The following RPTOR variants were observed in gnomAD, a reference collection of about 807,000 sequenced individuals.
RPTOR encodes the protein regulatory associated protein of MTOR complex 1.
Under a neutral mutation model 169.9 loss-of-function variants are expected in RPTOR, and 21 were observed. That is an observed-to-expected ratio of 0.12 (90% confidence interval 0.09 to 0.18). The LOEUF (loss-of-function observed/expected upper bound fraction) is 0.18. Ranked by LOEUF, RPTOR falls within the 10% of genes least tolerant of loss-of-function variation. The pLI is 1.00. For missense variants in RPTOR, 1,133 were observed against 1,855.9 expected, an observed-to-expected ratio of 0.61 and a Z score of 7.16; for synonymous variants, 732 against 753.2, an observed-to-expected ratio of 0.97 and a Z score of 0.46.
In RPTOR at chr17:80,920,013, C is replaced by T. The variant is rs1379085234; in HGVS notation, c.2521-2711C>T. ...CCGCACTCAGCCCTCCAGTTTGCAT[C>T]TCCAAACCCAGCCTCTGCCATTGCC... On this transcript the variant is annotated intron_variant, in intron 21 of 33. Coordinates refer to ENST00000306801, the MANE Select transcript of RPTOR (RefSeq NM_020761.3). Among the ~76,000 whole-genome samples, 4 of 152,230 alleles carry T rather than the reference C, an allele frequency of 2.6e-5. No homozygotes were observed. In the South Asian group the frequency reaches 8.3e-4, roughly 31 times the overall value.
At chr17:80,817,494 A>G (rs532044829) in intron 7 of RPTOR, among the ~76,000 whole-genome samples, 8 of 150,138 alleles carry the variant, frequency 5.3e-5, no homozygotes, top group Non-Finnish European at 8.9e-5. Flanking sequence ...ACCTGGAGAG[A>G]CTGGGAGGCA....
chr17:80,843,799 G>A (rs757850458), intron 10 of RPTOR, among the ~76,000 whole-genome samples: 1 of 152,184 alleles, frequency 6.6e-6, no homozygotes. Context: ...CCAGCCGGAC[G>A]GGCTCCACTT....
chr17:80,687,840 G>T (rs11652856), intron 3 of RPTOR, among the ~76,000 whole-genome samples: 6 of 152,018 alleles, frequency 3.9e-5, no homozygotes, highest in East Asian at 1.9e-4. Flanking sequence ...GTGAGTTGTA[G>T]GAAGCTCAGA....
intron 21 of RPTOR, among the ~76,000 whole-genome samples, chr17:80,922,108 T>C (rs955739597): frequency 1.3e-5 from 2 of 152,214 alleles, no homozygotes; most frequent in African/African-American, 4.8e-5. Context: ...GTGTAAACAG[T>C]GGCCTGCGTG....
intron 1 of RPTOR, among the ~76,000 whole-genome samples, chr17:80,596,245 A>G (rs1305496903): frequency 6.6e-6 from 1 of 152,236 alleles, no homozygotes; most frequent in East Asian, 1.9e-4. Context: ...CAATAAGTAA[A>G]GAAAATTGAC....
intron 5 of RPTOR, among the ~76,000 whole-genome samples, chr17:80,739,432 C>A (rs1016609838): frequency 9.7e-6 from 1 of 103,142 alleles, no homozygotes; most frequent in Non-Finnish European, 2.2e-5. Flanking sequence ...GTTAGGCCAT[C>A]TTTTCTTGAA....
At chr17:80,758,085 G>A (rs746859919) in intron 6 of RPTOR, among the ~76,000 whole-genome samples, 1 of 152,208 alleles carries the variant, frequency 6.6e-6, no homozygotes, top group Non-Finnish European at 1.5e-5. Flanking sequence ...GAGATCCTAA[G>A]AAGCATATTG....
chr17:80,916,175 GAAGGAGAGAAGAGAA>G lies in RPTOR; in HGVS notation c.2521-6535_2521-6521del, dbSNP rs2068671332. Among the ~76,000 whole-genome samples, 3 of 152,298 alleles carry G rather than the reference GAAGGAGAGAAGAGAA, an allele frequency of 2.0e-5. No individual in the cohort carries two copies. In the Middle Eastern group the frequency reaches 0.01, roughly 518 times the overall value. ...TTGCTTGCCACTTTGCAGATGACAAGAAGGAGAGAAGAGAAAAGGAGAGAAGAGCTGCAGCCCTTC... is the reference window on the plus strand; with the variant it reads ...TTGCTTGCCACTTTGCAGATGACAAGAAGGAGAGAAGAGCTGCAGCCCTTC... On this transcript the variant is annotated intron_variant, in intron 21 of 33. Transcript: ENST00000306801.
At chr17:80,776,630 A>G (rs934980196) in intron 6 of RPTOR, among the ~76,000 whole-genome samples, 22 of 152,084 alleles carry the variant, frequency 1.4e-4, no homozygotes, top group African/African-American at 5.3e-4. Flanking sequence ...GGCGCTGCCA[A>G]ACTTCTTTAC....
At chr17:80,702,565 A>G (rs1686997420) in intron 3 of RPTOR, among the ~76,000 whole-genome samples, 1 of 152,224 alleles carries the variant, frequency 6.6e-6, no homozygotes, top group African/African-American at 2.4e-5. Context: ...CTCATTTCAA[A>G]GCCCTTAAAA....
chr17:80,834,138 A>C (rs979846958), intron 9 of RPTOR, among the ~76,000 whole-genome samples: 1 of 151,936 alleles, frequency 6.6e-6, no homozygotes, highest in African/African-American at 2.4e-5. Context: ...CCAGGGTGCA[A>C]GCTCCTCCCA....
chr17:80,724,748 C>T (rs1423370832), intron 4 of RPTOR, among the ~76,000 whole-genome samples: 1 of 152,204 alleles, frequency 6.6e-6, no homozygotes, highest in African/African-American at 2.4e-5. Flanking sequence ...CCAGTGTGCC[C>T]CCCGTTCCCT....
chr17:80,814,125 G>T (rs959677484), intron 7 of RPTOR, among the ~76,000 whole-genome samples: 2 of 152,038 alleles, frequency 1.3e-5, no homozygotes, highest in Non-Finnish European at 2.9e-5. Flanking sequence ...TGTGTGACAG[G>T]GAGACCTCAT....
chr17:80,625,548 C>T, intron 1 of RPTOR, 143 bp from the exon 2 acceptor site: 1 of 642,088 alleles, frequency 1.6e-6, no homozygotes, highest in Non-Finnish European at 2.8e-6. Flanking sequence ...CTGGGGTAGC[C>T]AGGTGACAGG....
At position 80,965,645 on chromosome 17, in the gene RPTOR, G is replaced by A; in HGVS notation, c.*1315G>A. On this transcript the variant is annotated 3_prime_UTR_variant, in exon 34 of 34. Coordinates refer to ENST00000306801, the MANE Select transcript of RPTOR (RefSeq NM_020761.3). Reference sequence around the variant, plus strand: ...CGGGAGTGAGAGCTGGTGTGGCGAGGCCCGGCTCTCCTGCGGTGTGGCTGG... The same window carrying A: ...CGGGAGTGAGAGCTGGTGTGGCGAGACCCGGCTCTCCTGCGGTGTGGCTGG... 1 of 233,288 alleles carries A rather than the reference G, an allele frequency of 4.3e-6. No individual in the cohort carries two copies. The highest frequency in any genetic ancestry group is 8.5e-6 in the Non-Finnish European group (1 of 118,072). The allele number at this position is 233,288 out of a possible 1,614,324, so 14.5% of individuals were successfully genotyped here.
intron 13 of RPTOR, among the ~76,000 whole-genome samples, chr17:80,864,279 C>T (rs139088926): frequency 1.4e-5 from 2 of 139,012 alleles, no homozygotes; most frequent in East Asian, 3.9e-4. Context: ...AGAATGACGG[C>T]AGGTTTCTTC....
At chr17:80,778,149 A>G (rs1255077832) in intron 6 of RPTOR, among the ~76,000 whole-genome samples, 2 of 152,228 alleles carry the variant, frequency 1.3e-5, no homozygotes, top group African/African-American at 4.8e-5. Context: ...CATTACTTTA[A>G]AATCACACCG....
chr17:80,624,873 G>A (rs1567825415), intron 1 of RPTOR, among the ~76,000 whole-genome samples: 1 of 152,192 alleles, frequency 6.6e-6, no homozygotes, highest in African/African-American at 2.4e-5. Flanking sequence ...GCCCACTGAG[G>A]AGCATCCATG....
intron 13 of RPTOR, among the ~76,000 whole-genome samples, chr17:80,870,804 A>G (rs2068043630): frequency 6.6e-6 from 1 of 152,270 alleles, no homozygotes; most frequent in Non-Finnish European, 1.5e-5. Context: ...TAGTAAATAG[A>G]GTTCTCATGT....
Sources: gnomAD v4.1 joint callset for allele counts (sites outside exome capture counted in the v4.1 genomes callset) on GRCh38, gnomAD v4.1.1 for gene constraint, MANE v1.5 for transcripts, NCBI Gene and HGNC (gene_info 2026-07-23, HGNC 2026-07-21) for gene names.